ERI1: variants seen among roughly 807,000 people sequenced by gnomAD.
ERI1 encodes the protein exoribonuclease 1.
In ERI1, 39 loss-of-function variants were observed where a neutral mutation model predicts 39.7. The ratio of observed to expected loss-of-function variants is 0.98; its 90% CI spans 0.76 to 1.28. ERI1 has a LOEUF of 1.28. Ranked by LOEUF, ERI1 falls within the 50% of genes most tolerant of loss-of-function variation. The pLI, the probability that ERI1 is intolerant of heterozygous loss-of-function variation, is 0.00. For synonymous variants in ERI1, 204 were observed against 149.6 expected (o/e 1.36, Z -2.65); for missense variants, 581 against 416.9 (o/e 1.39, Z -3.43).
At chr8:9,016,431 A>G (rs1293239200) in intron 4 of ERI1, 26 bp downstream of exon 4, 8 of 1,368,120 alleles carry the variant, frequency 5.8e-6, no homozygotes, top group Non-Finnish European at 3.0e-6. Context: ...TCTTCTTTCT[A>G]GAGTTTGAAA....
At chr8:9,065,976 G>A (rs1798862219) in intron 3 of ERI1, among the ~76,000 whole-genome samples, 1 of 152,122 alleles carries the variant, frequency 6.6e-6, no homozygotes. Flanking sequence ...GGGAAGTGGA[G>A]GGTGAATAGG....
intron 3 of ERI1, among the ~76,000 whole-genome samples, chr8:9,040,127 T>G: frequency 6.6e-6 from 1 of 152,244 alleles, no homozygotes; most frequent in East Asian, 1.9e-4. Flanking sequence ...CAGTCAGTAT[T>G]TCTCACCGAT....
At chr8:9,088,542 G>A (rs1237401620) in intron 3 of ERI1, 4 of 152,196 alleles carry the variant, frequency 2.6e-5, no homozygotes, top group East Asian at 1.9e-4. Flanking sequence ...GCAAGCGGAC[G>A]TTTGTGTAAA....
intron 3 of ERI1, among the ~76,000 whole-genome samples, chr8:9,074,235 C>T (rs1015284036): frequency 2.0e-5 from 3 of 151,802 alleles, no homozygotes; most frequent in South Asian, 2.1e-4. Flanking sequence ...CTCAGCTTCC[C>T]GAGTAGCCTG....
At position 9,031,204 on chromosome 8, in the gene ERI1, A is replaced by T. The variant is rs1355134147; in HGVS notation, c.*1170A>T. On this transcript the variant is annotated 3_prime_UTR_variant, in exon 7 of 7. Coordinates refer to ENST00000250263, the MANE Select transcript of ERI1 (RefSeq NM_153332.4). ...AAAAATTGTGATGCTACTTTATTCTAAAGATTTATATTTTATAACCAGATG... is the reference window on the plus strand; with the variant it reads ...AAAAATTGTGATGCTACTTTATTCTTAAGATTTATATTTTATAACCAGATG... 6.6e-6 allele frequency: 1 copy of T among 152,198 alleles called. No homozygotes were observed. Among genetic ancestry groups the T allele is most frequent in the African/African-American group, 2.4e-5 (1 of 41,446 alleles). The allele number at this position is 152,198 out of a possible 1,614,324, so 9.4% of individuals were successfully genotyped here. A position where few individuals can be genotyped will look rare whatever the true frequency, so the allele number is the denominator to read the frequency against.
At chr8:9,075,184 A>G (rs1466284569) in intron 3 of ERI1, among the ~76,000 whole-genome samples, 1 of 152,252 alleles carries the variant, frequency 6.6e-6, no homozygotes, top group Non-Finnish European at 1.5e-5. Context: ...AACACAGAAG[A>G]AAAGTCTTAT....
At chr8:9,064,788 C>G (rs1798821741) in intron 3 of ERI1, among the ~76,000 whole-genome samples, 2 of 152,222 alleles carry the variant, frequency 1.3e-5, no homozygotes, top group South Asian at 4.1e-4. Flanking sequence ...GTCATGGCAC[C>G]AAATTTCATG....
chr8:9,044,867 C>G (rs1798129148), intron 3 of ERI1, among the ~76,000 whole-genome samples: 1 of 152,096 alleles, frequency 6.6e-6, no homozygotes, highest in Admixed American at 6.6e-5. Flanking sequence ...CATCATCTTG[C>G]TAACACTGAG....
intron 3 of ERI1, among the ~76,000 whole-genome samples, chr8:9,065,796 A>T (rs1004376338): frequency 6.6e-6 from 1 of 152,114 alleles, no homozygotes; most frequent in African/African-American, 2.4e-5. Flanking sequence ...TTACTTAAAA[A>T]AATAAAAATA....
In ERI1 at chr8:9,015,080, A is replaced by AC. The variant is rs564288326; in HGVS notation, c.499-1236dup. ...TTGAACTCCTGACCTCAAGTAATCC[A>AC]CCCCCCTTGGCCTCCCAGAGTGCTG... On this transcript the variant is annotated intron_variant, in intron 3 of 6. Transcript: ENST00000250263. 3.2e-3 allele frequency among the ~76,000 whole-genome samples: 478 copies of AC among 150,874 alleles called. 3 individuals are homozygous for AC. The highest frequency in any genetic ancestry group is 0.01 in the African/African-American group (416 of 41,062).
chr8:9,024,152 A>T (rs957359336), intron 6 of ERI1, among the ~76,000 whole-genome samples: 3 of 152,176 alleles, frequency 2.0e-5, no homozygotes, highest in Non-Finnish European at 2.9e-5. Flanking sequence ...GAAATGGGTA[A>T]TTAAACTTGG....
In ERI1 at chr8:9,015,722, C is replaced by CAAAAAAAAA. The variant is rs758835506; in HGVS notation, c.499-589_499-581dup. 7.3e-3 allele frequency among the ~76,000 whole-genome samples: 410 copies of CAAAAAAAAA among 56,104 alleles called. 18 individuals are homozygous for CAAAAAAAAA. Among genetic ancestry groups the CAAAAAAAAA allele is most frequent in the Non-Finnish European group, 8.7e-3 (283 of 32,470 alleles). The allele number at this position is 56,104 out of a possible 152,430, so 36.8% of individuals were successfully genotyped here. A position where few individuals can be genotyped will look rare whatever the true frequency, so the allele number is the denominator to read the frequency against. On this transcript the variant is annotated intron_variant, in intron 3 of 6. Coordinates refer to ENST00000250263, the MANE Select transcript of ERI1 (RefSeq NM_153332.4). ...GGGAGACAGAGCGAGACTCTGTCTC[C>CAAAAAAAAA]AAAAAAAAAAAAAAAAAAAGAGACC...
chr8:9,025,680 T>C (rs1390022561), intron 6 of ERI1, among the ~76,000 whole-genome samples: 4 of 149,322 alleles, frequency 2.7e-5, no homozygotes, highest in Non-Finnish European at 5.9e-5. Flanking sequence ...TCTCTAGGAC[T>C]TTTCATTTTA....
At chr8:9,042,774 G>C (rs1284072389) in intron 3 of ERI1, among the ~76,000 whole-genome samples, 1 of 152,196 alleles carries the variant, frequency 6.6e-6, no homozygotes, top group Admixed American at 6.5e-5. Flanking sequence ...TTTCGGATTA[G>C]TGATGCTCAA....
intron 3 of ERI1, among the ~76,000 whole-genome samples, chr8:9,093,160 A>G (rs1217638185): frequency 2.0e-5 from 3 of 152,226 alleles, no homozygotes; most frequent in African/African-American, 7.2e-5. Flanking sequence ...GGGGTGACCA[A>G]TCTTTTGACT....
rs1168393621 is a variant in ERI1 at position 9,086,205 on chromosome 8, G to A, written n.300-30143G>A. ...AAGGTGGACAAATTGCTTGAGCCCA[G>A]GAGTTCAGGACCAGCCTGGACAAGA... is the stretch of plus-strand genomic sequence containing the variant. On this transcript the variant is annotated intron_variant and non_coding_transcript_variant, in intron 3 of 3. Transcript: ENST00000518663. Among the ~76,000 whole-genome samples the A allele has an allele frequency of 2.6e-5, 4 of 152,264 alleles. No homozygotes were observed. In the East Asian group the frequency reaches 5.8e-4, roughly 22 times the overall value.
intron 4 of ERI1, among the ~76,000 whole-genome samples, chr8:9,017,370 A>G (rs932969511): frequency 3.9e-5 from 6 of 152,042 alleles, no homozygotes; most frequent in East Asian, 3.9e-4. Flanking sequence ...CTGATTTTTT[A>G]TTGTATTCTA....
intron 2 of ERI1, among the ~76,000 whole-genome samples, chr8:9,010,964 A>G (rs1403969208): frequency 6.6e-6 from 1 of 152,178 alleles, no homozygotes; most frequent in Non-Finnish European, 1.5e-5. Context: ...GTTTACTTAG[A>G]GTGTATTCTA....
intron 3 of ERI1, among the ~76,000 whole-genome samples, chr8:9,015,124 A>G (rs1024938266): frequency 6.6e-6 from 1 of 152,188 alleles, no homozygotes; most frequent in African/African-American, 2.4e-5. Context: ...GGCATTAGTC[A>G]CCACATCTGG....
Sources: allele counts gnomAD v4.1 joint callset (sites outside exome capture counted in the v4.1 genomes callset), GRCh38; gene constraint gnomAD v4.1.1; transcripts MANE v1.5; gene names NCBI Gene and HGNC (gene_info 2026-07-23, HGNC 2026-07-21).